Variants in PTPRG observed in about 807,000 individuals in gnomAD.
PTPRG encodes protein tyrosine phosphatase receptor type G, also known as receptor-type tyrosine-protein phosphatase gamma.
In PTPRG, 102 loss-of-function variants were observed where a neutral mutation model predicts 165.3. The ratio of observed to expected loss-of-function variants is 0.62; its 90% CI spans 0.53 to 0.73. The LOEUF is 0.73. Among genes scored for constraint, PTPRG ranks in the 30% least tolerant of loss-of-function variants. The pLI is 0.00. For synonymous variants in PTPRG, 675 were observed against 669.5 expected, an observed-to-expected ratio of 1.01 and a Z score of -0.13; for missense variants, 1,866 against 1,861.4, an observed-to-expected ratio of 1.00 and a Z score of -0.05.
chr3:61,845,049 T>C (rs967814971), intron 2 of PTPRG, among the ~76,000 whole-genome samples: 3 of 152,278 alleles, frequency 2.0e-5, no homozygotes, highest in Admixed American at 1.3e-4. Context: ...TGGTTGTTTA[T>C]CAATAAAGGG....
intron 1 of PTPRG, among the ~76,000 whole-genome samples, chr3:61,586,656 T>G (rs1700443161): frequency 6.6e-6 from 1 of 152,182 alleles, no homozygotes; most frequent in South Asian, 2.1e-4. Flanking sequence ...TGTGAGAATT[T>G]GCAAACTGGA....
intron 2 of PTPRG, among the ~76,000 whole-genome samples, chr3:61,909,292 T>C (rs887401443): frequency 9.9e-5 from 15 of 152,220 alleles, no homozygotes; most frequent in Non-Finnish European, 7.3e-5. Context: ...TAGATAGGTG[T>C]ACCCTTTTCA....
At chr3:61,656,504 C>G (rs144402527) in intron 1 of PTPRG, among the ~76,000 whole-genome samples, 1 of 152,232 alleles carries the variant, frequency 6.6e-6, no homozygotes, top group African/African-American at 2.4e-5. Flanking sequence ...GAGACACAGT[C>G]TGAGTTACCA....
At chr3:61,769,976 A>G (rs1463200512) in intron 2 of PTPRG, 1 of 152,218 alleles carries the variant, frequency 6.6e-6, no homozygotes, top group Non-Finnish European at 1.5e-5. Flanking sequence ...TAGTAATAGT[A>G]TGGAAGAGTA....
intron 15 of PTPRG, among the ~76,000 whole-genome samples, chr3:62,244,907 A>G (rs1372900688): frequency 6.6e-6 from 1 of 152,180 alleles, no homozygotes. Context: ...ACTCAGAGGT[A>G]GAGTCATTCT....
chr3:61,789,671 A>G (rs550975541), intron 2 of PTPRG, among the ~76,000 whole-genome samples: 71 of 152,326 alleles, frequency 4.7e-4, no homozygotes, highest in African/African-American at 1.6e-3. Context: ...CTAAAGATCA[A>G]TGTGTCTGTA....
At position 62,228,577 on chromosome 3, in the gene PTPRG, G is replaced by A. The variant is rs187696642; in HGVS notation, c.2289-2648G>A. Among the ~76,000 whole-genome samples, 8 of 152,060 alleles carry A rather than the reference G, an allele frequency of 5.3e-5. No individual in the cohort carries two copies. The highest frequency in any genetic ancestry group is 3.4e-3 in the Middle Eastern group (1 of 290). ...AGGACAAGTGCTCCAGGCAGAGGTC[G>A]CTGTGTAGGAGATGACCCAGAAGCA... On this transcript the variant is annotated intron_variant, in intron 13 of 29. Transcript: ENST00000474889. The surrounding 1 kb of genome is among the most constrained non-coding windows in gnomAD (Gnocchi z 4.1).
At chr3:61,876,185 T>C (rs2037735120) in intron 2 of PTPRG, among the ~76,000 whole-genome samples, 1 of 152,156 alleles carries the variant, frequency 6.6e-6, no homozygotes, top group South Asian at 2.1e-4. Flanking sequence ...GATGACATCA[T>C]ACACCTTCAG....
At chr3:62,161,144 G>A (rs763116839) in intron 7 of PTPRG, among the ~76,000 whole-genome samples, 9 of 152,082 alleles carry the variant, frequency 5.9e-5, no homozygotes, top group Admixed American at 5.9e-4. Context: ...AGATTAAATG[G>A]TGGAATATGT....
At chr3:61,789,085 C>T (rs2034795140) in intron 2 of PTPRG, among the ~76,000 whole-genome samples, 1 of 151,884 alleles carries the variant, frequency 6.6e-6, no homozygotes, top group East Asian at 1.9e-4. Context: ...TCTCTTCTTT[C>T]CTCCTTTTCT....
In PTPRG at chr3:62,248,673, T is replaced by G. The variant is rs895766035; in HGVS notation, c.2467+4775T>G. On this transcript the variant is annotated intron_variant, in intron 15 of 29. Transcript: ENST00000474889. ...AAACTTTTAGAAATCAGAACTTAGC[T>G]CATGAAATTAACCTGTTATAGAGCA... Among the ~76,000 whole-genome samples, 10 of 152,322 alleles carry G rather than the reference T, an allele frequency of 6.6e-5. 1 individual carries two copies. The East Asian group carries it at 1.9e-3, about 29-fold the overall frequency.
chr3:62,186,887 G>A (rs1194525499), intron 8 of PTPRG, among the ~76,000 whole-genome samples: 1 of 152,180 alleles, frequency 6.6e-6, no homozygotes, highest in African/African-American at 2.4e-5. Context: ...ATCTTTAAGG[G>A]GGCTGGGGTG....
At chr3:61,948,312 TA>T (rs2039814093) in intron 2 of PTPRG, among the ~76,000 whole-genome samples, 1 of 151,214 alleles carries the variant, frequency 6.6e-6, no homozygotes, top group African/African-American at 2.4e-5. Context: ...GCAACAAGAG[TA>T]AAACTCCGTT....
chr3:62,084,675 G>C (rs562389832), intron 5 of PTPRG, among the ~76,000 whole-genome samples: 9 of 152,142 alleles, frequency 5.9e-5, no homozygotes, highest in Non-Finnish European at 1.3e-4. Flanking sequence ...CAGGGCTGGC[G>C]AGGAAGCCTT....
chr3:61,751,265 CAT>C (rs2033418823), intron 2 of PTPRG, among the ~76,000 whole-genome samples: 2 of 152,134 alleles, frequency 1.3e-5, no homozygotes, highest in Non-Finnish European at 1.5e-5. Flanking sequence ...ACTTTGGGTA[CAT>C]CAGACCAGCA....
intron 6 of PTPRG, among the ~76,000 whole-genome samples, chr3:62,147,291 A>G (rs1704156632): frequency 6.6e-6 from 1 of 152,182 alleles, no homozygotes; most frequent in Admixed American, 6.5e-5. Flanking sequence ...AACTGAGGCT[A>G]GAGAACCCAG....
chr3:61,755,720 C>T (rs978651394), intron 2 of PTPRG, among the ~76,000 whole-genome samples: 2 of 152,174 alleles, frequency 1.3e-5, no homozygotes, highest in African/African-American at 4.8e-5. Flanking sequence ...GAACCAGAAG[C>T]AGCTCAGAAG....
At chr3:61,711,231 T>C (rs373336769) in intron 1 of PTPRG, among the ~76,000 whole-genome samples, 1 of 152,234 alleles carries the variant, frequency 6.6e-6, no homozygotes, top group Non-Finnish European at 1.5e-5. Context: ...GCAATAGACA[T>C]ATGTGTGCAT....
rs79817649 is a variant in PTPRG at position 62,049,826 on chromosome 3, A to G, written c.520-28337A>G. ...GACACTAAAACTGCTTGGTTGAAAT[A>G]AAGTAGTGTTAGGAAGTAATTTTCA... On this transcript the variant is annotated intron_variant, in intron 4 of 29. Coordinates refer to ENST00000474889, the MANE Select transcript of PTPRG (RefSeq NM_002841.4). Among the ~76,000 whole-genome samples the G allele has an allele frequency of 3.9e-3, 593 of 152,328 alleles. 5 individuals are homozygous for G. Among genetic ancestry groups the G allele is most frequent in the African/African-American group, 0.014 (565 of 41,572 alleles).
Sources: gnomAD v4.1 joint callset for allele counts (sites outside exome capture counted in the v4.1 genomes callset) on GRCh38, gnomAD v4.1.1 for gene constraint, Gnocchi (gnomAD v3.1) non-coding constraint, MANE v1.5 for transcripts, NCBI Gene and HGNC (gene_info 2026-07-23, HGNC 2026-07-21) for gene names.